FSHR: variants seen among roughly 807,000 people sequenced by gnomAD.
The protein encoded by FSHR is follicle-stimulating hormone receptor.
A neutral mutation model predicts 52.1 loss-of-function variants in FSHR; 46 were observed. The observed-to-expected ratio is 0.88, with a 90% CI of 0.70 to 1.13. FSHR has a LOEUF of 1.13. FSHR is among the 50% of genes most tolerant of loss of function. The pLI is 0.00. For missense variants in FSHR, 964 were observed against 834.6 expected (o/e 1.16, Z -1.91); for synonymous variants, 399 against 309.6 (o/e 1.29, Z -3.03).
chr2:49,010,417 G>A (rs1667226234), intron 4 of FSHR, among the ~76,000 whole-genome samples: 1 of 151,936 alleles, frequency 6.6e-6, no homozygotes, highest in Non-Finnish European at 1.5e-5. Context: ...ATGTGTTGCT[G>A]GATTCAGTTT....
intron 1 of FSHR, among the ~76,000 whole-genome samples, chr2:49,069,705 A>C (rs1669658757): frequency 6.6e-6 from 1 of 152,132 alleles, no homozygotes; most frequent in Admixed American, 6.6e-5. Flanking sequence ...TTTGAGGTTG[A>C]AGTTACAAGT....
intron 1 of FSHR, among the ~76,000 whole-genome samples, chr2:49,102,989 A>T (rs1281927033): frequency 6.6e-6 from 1 of 152,068 alleles, no homozygotes; most frequent in Non-Finnish European, 1.5e-5. Flanking sequence ...GGCACTTTTT[A>T]GATAGACATT....
chr2:48,962,728 G>A lies in FSHR; in HGVS notation c.*5C>T. 6.2e-7 allele frequency: 1 copy of A among 1,612,286 alleles called. No homozygotes were observed. Among genetic ancestry groups the A allele is most frequent in the Non-Finnish European group, 8.5e-7 (1 of 1,178,364 alleles). ...CAATACTCAGATACATTTTCACATT[G>A]TGTTTTAGTTTTGGGCTAAATGACT... is the stretch of plus-strand genomic sequence containing the variant. On this transcript the variant is annotated 3_prime_UTR_variant, in exon 10 of 10. Coordinates refer to ENST00000406846, the MANE Select transcript of FSHR (RefSeq NM_000145.4).
At chr2:49,097,369 C>T (rs902935880) in intron 1 of FSHR, among the ~76,000 whole-genome samples, 3 of 151,996 alleles carry the variant, frequency 2.0e-5, no homozygotes, top group African/African-American at 7.3e-5. Flanking sequence ...TTTTTTCTGT[C>T]ATGTTTATTA....
chr2:49,060,405 C>G (rs922342771), intron 2 of FSHR, among the ~76,000 whole-genome samples: 12 of 152,164 alleles, frequency 7.9e-5, no homozygotes, highest in African/African-American at 2.9e-4. Flanking sequence ...TCAGAGAAGT[C>G]ATGCCTCTCC....
intron 1 of FSHR, among the ~76,000 whole-genome samples, chr2:49,140,541 A>T (rs1428084835): frequency 6.6e-6 from 1 of 152,034 alleles, no homozygotes; most frequent in Non-Finnish European, 1.5e-5. Context: ...ATGGCCTAAC[A>T]CTACAAAAAT....
At chr2:49,134,665 C>G (rs62162144) in intron 1 of FSHR, among the ~76,000 whole-genome samples, 23,354 of 152,156 alleles carry the variant, frequency 0.15, 1,801 homozygotes, top group Middle Eastern at 0.24. Context: ...GGAACCAACC[C>G]AAATGTCCAT....
chr2:49,083,345 G>A (rs1453515795), intron 1 of FSHR, among the ~76,000 whole-genome samples: 19 of 150,822 alleles, frequency 1.3e-4, no homozygotes, highest in Admixed American at 2.6e-4. Context: ...CCTGAAGGAA[G>A]CGCTAAACAT....
chr2:49,143,415 T>C (rs1235064984), intron 1 of FSHR, among the ~76,000 whole-genome samples: 2 of 152,164 alleles, frequency 1.3e-5, no homozygotes, highest in Non-Finnish European at 2.9e-5. Context: ...TGTAATATAA[T>C]CACTGTACAA....
intron 4 of FSHR, among the ~76,000 whole-genome samples, chr2:49,013,162 A>G (rs940300449): frequency 2.2e-5 from 3 of 136,302 alleles, no homozygotes; most frequent in African/African-American, 8.4e-5. Context: ...TCTTGGTACT[A>G]TTTGAGGACA....
At chr2:49,110,308 G>A (rs548434372) in intron 1 of FSHR, among the ~76,000 whole-genome samples, 96 of 152,220 alleles carry the variant, frequency 6.3e-4, no homozygotes, top group South Asian at 2.1e-3. Context: ...TAAATCCTGG[G>A]AAGTGGTGGT....
At position 49,091,774 on chromosome 2, in the gene FSHR, T is replaced by C. The variant is rs80354095; in HGVS notation, c.153-23484A>G. ...TGCCAATGTTATGTTTTCTTGATTA[T>C]TGCAGTTTTATAGTAAGTCTTTAAA... On this transcript the variant is annotated intron_variant, in intron 1 of 9. Transcript: ENST00000406846. Among the ~76,000 whole-genome samples the C allele has an allele frequency of 6.7e-3, 1,017 of 152,348 alleles. 6 individuals are homozygous for C. The highest frequency in any genetic ancestry group is 9.6e-3 in the Non-Finnish European group (651 of 68,026).
intron 2 of FSHR, among the ~76,000 whole-genome samples, chr2:49,038,264 G>A (rs1000826549): frequency 2.6e-5 from 4 of 152,050 alleles, no homozygotes; most frequent in Non-Finnish European, 4.4e-5. Flanking sequence ...GAAACAAATA[G>A]AGTTTAAGAA....
intron 4 of FSHR, among the ~76,000 whole-genome samples, chr2:49,011,711 A>G (rs991665141): frequency 2.6e-5 from 4 of 152,122 alleles, no homozygotes; most frequent in East Asian, 1.9e-4. Flanking sequence ...ATACAAGCTT[A>G]TGCAGCAAAT....
chr2:49,035,878 T>C (rs139943920), intron 2 of FSHR, among the ~76,000 whole-genome samples: 92 of 152,320 alleles, frequency 6.0e-4, no homozygotes, highest in African/African-American at 2.2e-3. Flanking sequence ...TTTGAGCAAG[T>C]AGAGCTGTAG....
At chr2:48,998,893 A>G (rs551254401) in intron 4 of FSHR, among the ~76,000 whole-genome samples, 2 of 152,130 alleles carry the variant, frequency 1.3e-5, no homozygotes, top group Admixed American at 6.6e-5. Context: ...ATATCGAAGC[A>G]TATTATTCAT....
chr2:49,153,627 T>C (rs1358342291), intron 1 of FSHR, among the ~76,000 whole-genome samples: 1 of 152,198 alleles, frequency 6.6e-6, no homozygotes, highest in Non-Finnish European at 1.5e-5. Context: ...CCTGTTAAAA[T>C]AGTTAAGTAA....
chr2:49,096,361 A>G (rs59489526), intron 1 of FSHR, among the ~76,000 whole-genome samples: 37,693 of 152,194 alleles, frequency 0.25, 5,262 homozygotes, highest in East Asian at 0.47. Context: ...GAGGTAATAG[A>G]ACATATTGTA....
intron 1 of FSHR, among the ~76,000 whole-genome samples, chr2:49,114,192 A>G (rs558985759): frequency 6.6e-6 from 1 of 152,252 alleles, no homozygotes; most frequent in East Asian, 1.9e-4. Flanking sequence ...CAGCATCACC[A>G]CATCGCCAGT....
Sources: allele counts gnomAD v4.1 joint callset (sites outside exome capture counted in the v4.1 genomes callset), GRCh38; gene constraint gnomAD v4.1.1; transcripts MANE v1.5; gene names NCBI Gene and HGNC (gene_info 2026-07-23, HGNC 2026-07-21).